KIAA2012: variants seen among roughly 807,000 people sequenced by gnomAD.
KIAA2012 encodes uncharacterized protein KIAA2012.
KIAA2012 carries 125 observed loss-of-function variants against 150.6 expected under a neutral mutation model. That is an observed-to-expected ratio of 0.83 (90% CI 0.72 to 0.96). The LOEUF is 0.96. KIAA2012 is among the 40% of genes least tolerant of loss of function. The probability of loss-of-function intolerance (pLI) is 0.00; values close to 1 mark genes in which losing one functional copy is unlikely to be tolerated. For synonymous variants in KIAA2012, 462 were observed against 504.7 expected (o/e 0.92, Z 1.13); for missense variants, 1,219 against 1,354.9 (o/e 0.90, Z 1.57).
At chr2:202,169,203 T>C (rs1310418524) in intron 15 of KIAA2012, among the ~76,000 whole-genome samples, 4 of 152,326 alleles carry the variant, frequency 2.6e-5, no homozygotes, top group African/African-American at 9.6e-5. Flanking sequence ...TCAGGCCTGG[T>C]AAATGTTTCC....
At chr2:202,078,132 C>T (rs1296918702) in intron 2 of KIAA2012, among the ~76,000 whole-genome samples, 2 of 152,210 alleles carry the variant, frequency 1.3e-5, no homozygotes, top group Non-Finnish European at 2.9e-5. Context: ...AAAACATTGA[C>T]TACAGGGTTC....
At chr2:202,157,292 A>C (rs998203838) in intron 14 of KIAA2012, among the ~76,000 whole-genome samples, 9 of 152,202 alleles carry the variant, frequency 5.9e-5, no homozygotes, top group Non-Finnish European at 1.0e-4. Context: ...GGTAGTACAG[A>C]CAAAGATGAT....
chr2:202,179,421 G>A lies in KIAA2012; in HGVS notation c.2120-5332G>A, dbSNP rs573846973. 177 of 734,004 alleles carry A rather than the reference G, an allele frequency of 2.4e-4. 1 individual carries two copies. Among genetic ancestry groups the A allele is most frequent in the South Asian group, 1.3e-3 (100 of 74,352 alleles). The allele number at this position is 734,004 out of a possible 1,614,324, so 45.5% of individuals were successfully genotyped here. On this transcript the variant is annotated intron_variant, in intron 15 of 23. Coordinates refer to ENST00000498697, the MANE Select transcript of KIAA2012 (RefSeq NM_001277372.4). The stretch of plus-strand genomic sequence containing the variant: ...TCAGTGGGAATTAAAGCGGCAAATG[G>A]TGTGGTATTAGCAACCGAGAAAAAA...
At chr2:202,121,501 T>C (rs931946730) in intron 11 of KIAA2012, among the ~76,000 whole-genome samples, 1 of 152,200 alleles carries the variant, frequency 6.6e-6, no homozygotes, top group Non-Finnish European at 1.5e-5. Context: ...ATATACTGAA[T>C]ACCTCCCATA....
chr2:202,163,099 A>G lies in KIAA2012; in HGVS notation c.2047-2185A>G, dbSNP rs543841612. 2.1e-4 allele frequency among the ~76,000 whole-genome samples: 25 copies of G among 116,952 alleles called. 1 individual carries two copies. The South Asian group carries it at 6.5e-3, about 30-fold the overall frequency. The allele number at this position is 116,952 out of a possible 152,430, so 76.7% of individuals were successfully genotyped here. ...TTTAAATAGAAGTTATTTCACATGT[A>G]TATTCTTTTTTTTTTTTTTTTCAAG... On this transcript the variant is annotated intron_variant, in intron 14 of 23. Coordinates refer to ENST00000498697, the MANE Select transcript of KIAA2012 (RefSeq NM_001277372.4).
chr2:202,097,653 AATTTTGG>A, intron 5 of KIAA2012, 76 bp downstream of exon 5: 1 of 1,493,894 alleles, frequency 6.7e-7, no homozygotes, highest in Admixed American at 2.3e-5. Flanking sequence ...GCAATGGCAG[AATTTTGG>A]CTCACTGCAA....
chr2:202,106,049 T>C, intron 9 of KIAA2012, 139 bp downstream of exon 9: 1 of 1,535,640 alleles, frequency 6.5e-7, no homozygotes, highest in Non-Finnish European at 8.7e-7. Context: ...AAGATGGCCT[T>C]TGTGCAGGCA....
At chr2:202,204,362 C>CCG (rs1277789926) in intron 23 of KIAA2012, among the ~76,000 whole-genome samples, 1 of 152,188 alleles carries the variant, frequency 6.6e-6, no homozygotes, top group Non-Finnish European at 1.5e-5. Flanking sequence ...CAGGCATGAG[C>CCG]CGCTGTGCCT....
chr2:202,090,405 T>C (rs779616045), intron 2 of KIAA2012, among the ~76,000 whole-genome samples: 2 of 152,268 alleles, frequency 1.3e-5, no homozygotes, highest in African/African-American at 2.4e-5. Context: ...TGCAGATTTG[T>C]GAGCTGGCTT....
Position 202,143,858 on chromosome 2 carries a change from T to C in KIAA2012, c.1908+5350T>C, listed in dbSNP as rs150266430. ...ATTTTATCCCTCTAACTCTAGACTT[T>C]GGGGGACAATGAATTCATCTTTCTG... On this transcript the variant is annotated intron_variant, in intron 13 of 23. Transcript: ENST00000498697. 5.6e-3 allele frequency among the ~76,000 whole-genome samples: 847 copies of C among 152,308 alleles called. 4 individuals are homozygous for C. The highest frequency in any genetic ancestry group is 0.014 in the South Asian group (69 of 4,824).
At chr2:202,167,569 C>T (rs1691795963) in intron 15 of KIAA2012, among the ~76,000 whole-genome samples, 2 of 152,180 alleles carry the variant, frequency 1.3e-5, no homozygotes, top group African/African-American at 2.4e-5. Flanking sequence ...ACTCATGGTT[C>T]CAACCCCAGC....
chr2:202,117,281 G>A (rs186672465), intron 11 of KIAA2012, among the ~76,000 whole-genome samples: 1 of 152,234 alleles, frequency 6.6e-6, no homozygotes, highest in Non-Finnish European at 1.5e-5. Context: ...TTGACAGAAA[G>A]ATGAGTCTAA....
At chr2:202,203,635 G>C (rs1272612469) in intron 23 of KIAA2012, among the ~76,000 whole-genome samples, 1 of 152,192 alleles carries the variant, frequency 6.6e-6, no homozygotes, top group Admixed American at 6.5e-5. Flanking sequence ...TTCCATGACA[G>C]GAAGTTCTAT....
intron 11 of KIAA2012, 32 bp from the exon 12 acceptor site, chr2:202,125,182 G>A (rs967844890): frequency 6.6e-6 from 10 of 1,517,392 alleles, no homozygotes; most frequent in South Asian, 2.4e-5. Flanking sequence ...ACTTTTTCCC[G>A]CTCTCAGGTA....
chr2:202,090,716 C>A, intron 2 of KIAA2012, 54 bp from the exon 3 acceptor site: 1 of 1,493,026 alleles, frequency 6.7e-7, no homozygotes, highest in South Asian at 1.3e-5. Flanking sequence ...GCCTGTATCA[C>A]TGGGTGGCTC....
intron 15 of KIAA2012, among the ~76,000 whole-genome samples, chr2:202,174,078 G>A (rs189016030): frequency 6.6e-6 from 1 of 152,164 alleles, no homozygotes; most frequent in Admixed American, 6.5e-5. Context: ...CAATTCTTCT[G>A]CCTCAGCCTC....
At chr2:202,112,956 G>C (rs1690410613) in intron 10 of KIAA2012, among the ~76,000 whole-genome samples, 1 of 152,178 alleles carries the variant, frequency 6.6e-6, no homozygotes, top group Non-Finnish European at 1.5e-5. Context: ...GGACAGCAGA[G>C]GCAGGAAGCA....
chr2:202,101,775 T>C (rs1282690954), intron 7 of KIAA2012, among the ~76,000 whole-genome samples: 2 of 152,218 alleles, frequency 1.3e-5, no homozygotes, highest in African/African-American at 2.4e-5. Flanking sequence ...ATAAAGATCC[T>C]ATGTGCGTGT....
rs372811675 is a variant in KIAA2012 at position 202,195,761 on chromosome 2, A to G, written c.3188-1039A>G. Among the ~76,000 whole-genome samples, 8 of 152,204 alleles carry G rather than the reference A, an allele frequency of 5.3e-5. 2 individuals carry two copies. The highest frequency in any genetic ancestry group is 1.7e-4 in the African/African-American group (7 of 41,522). Reference sequence around the variant, plus strand: ...TGAGATCAATGTTTTTCGCTTTCACATGAGTAAAAATGTGTTATTTATTTT... The same window carrying G: ...TGAGATCAATGTTTTTCGCTTTCACGTGAGTAAAAATGTGTTATTTATTTT... On this transcript the variant is annotated intron_variant, in intron 21 of 23. Coordinates refer to ENST00000498697, the MANE Select transcript of KIAA2012 (RefSeq NM_001277372.4).
Sources: allele counts gnomAD v4.1 joint callset (sites outside exome capture counted in the v4.1 genomes callset), GRCh38; gene constraint gnomAD v4.1.1; transcripts MANE v1.5; gene names NCBI Gene and HGNC (gene_info 2026-07-23, HGNC 2026-07-21).